Variants in TNNI3K observed in about 807,000 individuals in gnomAD.
The protein encoded by TNNI3K is TNNI3 interacting kinase, also known as serine/threonine-protein kinase TNNI3K.
Under a neutral mutation model 114.5 loss-of-function variants are expected in TNNI3K, and 140 were observed. That is an observed-to-expected ratio of 1.22 (90% confidence interval 1.07 to 1.41). The LOEUF (loss-of-function observed/expected upper bound fraction) is 1.41. TNNI3K is among the 40% of genes most tolerant of loss of function. TNNI3K has a pLI of 0.00. For missense variants in TNNI3K, 1,125 were observed against 1,007.6 expected (o/e 1.12, Z -1.58); for synonymous variants, 347 against 347.5 (o/e 1.00, Z 0.02).
chr1:74,462,750 A>G (rs1667505694), intron 20 of TNNI3K, among the ~76,000 whole-genome samples: 1 of 152,194 alleles, frequency 6.6e-6, no homozygotes, highest in African/African-American at 2.4e-5. Flanking sequence ...GCAATCAGGA[A>G]TCTACAGTGA....
At chr1:74,476,275 G>A (rs1201851972) in intron 21 of TNNI3K, among the ~76,000 whole-genome samples, 2 of 151,998 alleles carry the variant, frequency 1.3e-5, no homozygotes, top group South Asian at 2.1e-4. Context: ...CCCATGTGCC[G>A]ACTCTAACCT....
At chr1:74,236,425 T>G (rs879565804) in intron 2 of TNNI3K, among the ~76,000 whole-genome samples, 10 of 151,948 alleles carry the variant, frequency 6.6e-5, no homozygotes, top group Admixed American at 6.6e-4. Flanking sequence ...AATTGTAATC[T>G]GCCATCATTA....
At chr1:74,280,339 G>T (rs754904308) in intron 5 of TNNI3K, among the ~76,000 whole-genome samples, 30 of 151,846 alleles carry the variant, frequency 2.0e-4, no homozygotes, top group Admixed American at 8.5e-4. Context: ...CAGAGATCGT[G>T]CCACTGCACT....
At chr1:74,460,686 A>G (rs984128045) in intron 20 of TNNI3K, among the ~76,000 whole-genome samples, 3 of 152,260 alleles carry the variant, frequency 2.0e-5, no homozygotes, top group African/African-American at 7.2e-5. Flanking sequence ...AAGACTGACA[A>G]AACAATCTCA....
At chr1:74,287,704 C>G (rs1393510081) in intron 5 of TNNI3K, among the ~76,000 whole-genome samples, 3 of 151,926 alleles carry the variant, frequency 2.0e-5, no homozygotes, top group Non-Finnish European at 2.9e-5. Context: ...CTCAAAAACA[C>G]AAGAAACAAA....
intron 23 of TNNI3K, among the ~76,000 whole-genome samples, chr1:74,492,934 T>C (rs1669152552): frequency 6.6e-6 from 1 of 152,216 alleles, no homozygotes; most frequent in African/African-American, 2.4e-5. Flanking sequence ...TCCTGTTTTC[T>C]AGAAATCCAC....
rs199985039 is a variant in TNNI3K at position 74,476,845 on chromosome 1, TAAATG to T, written c.2122-12340_2122-12336del. On this transcript the variant is annotated intron_variant, in intron 21 of 24. Transcript: ENST00000326637. Reference sequence around the variant, plus strand: ...TTAATGAAAACATATTTTTAAAACTTAAATGAAAAGGGAGGGTATCAGGTCATGAT... The same window carrying T: ...TTAATGAAAACATATTTTTAAAACTTAAAAGGGAGGGTATCAGGTCATGAT... Among the ~76,000 whole-genome samples, 922 of 152,244 alleles carry T rather than the reference TAAATG, an allele frequency of 6.1e-3. 12 individuals are homozygous for T. The highest frequency in any genetic ancestry group is 0.021 in the African/African-American group (855 of 41,552).
At position 74,240,040 on chromosome 1, in the gene TNNI3K, T is replaced by C. The variant is rs1248955491; in HGVS notation, c.149+3830T>C. 2.2e-5 allele frequency: 10 copies of C among 459,946 alleles called. No homozygotes were observed. In the East Asian group the frequency reaches 7.0e-4, roughly 32 times the overall value. The allele number at this position is 459,946 out of a possible 1,614,324, so 28.5% of individuals were successfully genotyped here. ...ACAGAAAGGGCACCTTAGAGTACCA[T>C]TGTCTGATTATATCCTCCTCTGTGC... On this transcript the variant is annotated intron_variant, in intron 2 of 24. Coordinates refer to ENST00000326637, the MANE Select transcript of TNNI3K (RefSeq NM_015978.3).
At chr1:74,541,378 A>G (rs1287487018) in intron 24 of TNNI3K, among the ~76,000 whole-genome samples, 2 of 152,204 alleles carry the variant, frequency 1.3e-5, no homozygotes, top group African/African-American at 4.8e-5. Flanking sequence ...CTGACTCCCA[A>G]TACATATCTA....
intron 22 of TNNI3K, 146 bp from the exon 23 acceptor site, chr1:74,491,951 C>T: frequency 1.6e-6 from 2 of 1,260,400 alleles, no homozygotes; most frequent in Non-Finnish European, 2.1e-6. Flanking sequence ...AGACTTTTTC[C>T]TGAAAGGAAA....
At chr1:74,283,093 T>C (rs1212969172) in intron 5 of TNNI3K, among the ~76,000 whole-genome samples, 1 of 152,238 alleles carries the variant, frequency 6.6e-6, no homozygotes, top group Non-Finnish European at 1.5e-5. Flanking sequence ...CAAAACTTGA[T>C]ATACCTTCAT....
chr1:74,408,307 A>G (rs895171665), intron 17 of TNNI3K, among the ~76,000 whole-genome samples: 3 of 152,170 alleles, frequency 2.0e-5, no homozygotes, highest in Non-Finnish European at 4.4e-5. Context: ...ACTCATTTAC[A>G]TATACCACCT....
rs140884732 is a variant in TNNI3K at position 74,241,876 on chromosome 1, G to A, written c.149+5666G>A. Among the ~76,000 whole-genome samples the A allele has an allele frequency of 6.2e-3, 885 of 143,640 alleles. 7 individuals carry two copies. The highest frequency in any genetic ancestry group is 0.021 in the African/African-American group (792 of 38,238). 94.2% of individuals were successfully genotyped at this position (143,640 alleles called of 152,430 possible). A position where few individuals can be genotyped will look rare whatever the true frequency, so the allele number is the denominator to read the frequency against. On this transcript the variant is annotated intron_variant, in intron 2 of 24. Transcript: ENST00000326637. The stretch of plus-strand genomic sequence containing the variant: ...CTTTTTTTTTTTTTTTTCAGACGGA[G>A]TCTCGCTCTGTCGCCCAGGCTGGAG...
chr1:74,408,040 C>A (rs1313658959), intron 17 of TNNI3K, among the ~76,000 whole-genome samples: 1 of 152,132 alleles, frequency 6.6e-6, no homozygotes, highest in Non-Finnish European at 1.5e-5. Context: ...CATACAGTAA[C>A]AATCTTTCCC....
At chr1:74,316,760 G>T (rs1304462595) in intron 5 of TNNI3K, among the ~76,000 whole-genome samples, 1 of 151,576 alleles carries the variant, frequency 6.6e-6, no homozygotes. Flanking sequence ...CACGATCTTG[G>T]CTCACTGCAA....
In TNNI3K at chr1:74,439,516, G is replaced by A. The variant is rs1243082783; in HGVS notation, c.1905G>A (p.Val635=). The A allele has an allele frequency of 1.2e-6, 2 of 1,613,210 alleles. No homozygotes were observed. The highest frequency in any genetic ancestry group is 1.7e-5 in the Admixed American group (1 of 59,842). The change falls in exon 20 of 25, where the codon GTG becomes GTA. Residue 635 remains valine, a synonymous_variant. Transcript: ENST00000326637. The part of the protein sequence containing the change: ...PGNLRWMAPE[V]FTQCTRYTIK... ...ACCTCCGTTGGATGGCTCCTGAGGTGTTCACGCAGTGCACTCGGTACACCA... is the reference window on the plus strand; with the variant it reads ...ACCTCCGTTGGATGGCTCCTGAGGTATTCACGCAGTGCACTCGGTACACCA...
At chr1:74,518,114 T>G (rs1215458393) in intron 23 of TNNI3K, among the ~76,000 whole-genome samples, 1 of 151,984 alleles carries the variant, frequency 6.6e-6, no homozygotes, top group Non-Finnish European at 1.5e-5. Context: ...GACCAGGAGG[T>G]TCCCAGGTAA....
At chr1:74,307,591 T>C (rs1020965988) in intron 5 of TNNI3K, among the ~76,000 whole-genome samples, 1 of 152,182 alleles carries the variant, frequency 6.6e-6, no homozygotes, top group African/African-American at 2.4e-5. Flanking sequence ...GTTTTAACCA[T>C]CCTAAATATA....
chr1:74,389,545 G>T (rs1296480430), intron 17 of TNNI3K, among the ~76,000 whole-genome samples: 2 of 152,118 alleles, frequency 1.3e-5, no homozygotes, highest in Non-Finnish European at 2.9e-5. Flanking sequence ...CTGCCTTTCT[G>T]TGTTCCTATC....
Sources: gnomAD v4.1 joint callset for allele counts (sites outside exome capture counted in the v4.1 genomes callset) on GRCh38, gnomAD v4.1.1 for gene constraint, MANE v1.5 for transcripts, NCBI Gene and HGNC (gene_info 2026-07-23, HGNC 2026-07-21) for gene names.